The following SUCLG2 variants were observed in gnomAD, a reference collection of about 807,000 sequenced individuals.
SUCLG2 encodes succinate-CoA ligase GDP-forming subunit beta.
Under a neutral mutation model 47.9 loss-of-function variants are expected in SUCLG2, and 42 were observed. That is an observed-to-expected ratio of 0.88 (90% CI 0.69 to 1.14). The LOEUF (loss-of-function observed/expected upper bound fraction) is 1.14. SUCLG2 is among the 50% of genes most tolerant of loss of function. The pLI is 0.00. For synonymous variants in SUCLG2, 195 were observed against 197.3 expected (o/e 0.99, Z 0.10); for missense variants, 571 against 525.9 (o/e 1.09, Z -0.84).
At chr3:67,413,797 C>G (rs988144556) in intron 9 of SUCLG2, among the ~76,000 whole-genome samples, 9 of 152,162 alleles carry the variant, frequency 5.9e-5, no homozygotes, top group African/African-American at 1.7e-4. Context: ...TATGCTAGAG[C>G]TTCCTTTTGT....
At position 67,609,467 on chromosome 3, in the gene SUCLG2, C is replaced by T; in HGVS notation, c.214G>A (p.Ala72Thr). ...ADTANEALEAAKRLNAKEIVL... is the reference protein window; with the variant it reads ...ADTANEALEATKRLNAKEIVL... Reference sequence around the variant, plus strand: ...TGAATCAGCTTACTTAGTCTCTTAGCAGCCTCGAGAGCTTCATTTGCAGTG... The same window carrying T: ...TGAATCAGCTTACTTAGTCTCTTAGTAGCCTCGAGAGCTTCATTTGCAGTG... The change falls in exon 2 of 11, where the codon GCT (alanine) becomes ACT (threonine). Residue 72 changes from alanine (A) to threonine (T), a missense_variant. By Grantham distance (58) the Ala-to-Thr change is moderately conservative (BLOSUM62 0). Transcript: ENST00000307227. 1 of 1,612,076 alleles carries T rather than the reference C, an allele frequency of 6.2e-7. No individual in the cohort carries two copies. The highest frequency in any genetic ancestry group is 8.5e-7 in the Non-Finnish European group (1 of 1,179,626).
intron 2 of SUCLG2, among the ~76,000 whole-genome samples, chr3:67,602,273 A>T (rs1286747657): frequency 6.6e-6 from 1 of 152,210 alleles, no homozygotes. Flanking sequence ...GTAAAAGTGT[A>T]AGAAGAATTA....
At chr3:67,486,106 C>A (rs1251741241) in intron 9 of SUCLG2, among the ~76,000 whole-genome samples, 2 of 151,936 alleles carry the variant, frequency 1.3e-5, no homozygotes, top group African/African-American at 4.8e-5. Flanking sequence ...CTCTACAAAA[C>A]AAAATTCAAT....
chr3:67,422,651 GA>G lies in SUCLG2; in HGVS notation c.1063-21801del, dbSNP rs757390133. ...GTGGTGAACTTGATGTTGAGAATGA[GA>G]AAGAGATTTCAAAGGCATAGCTCAA... On this transcript the variant is annotated intron_variant, in intron 9 of 10. Transcript: ENST00000307227. Among the ~76,000 whole-genome samples, 8 of 151,970 alleles carry G rather than the reference GA, an allele frequency of 5.3e-5. 1 individual carries two copies. In the East Asian group the frequency reaches 1.5e-3, roughly 29 times the overall value.
chr3:67,561,212 A>G (rs1707299119), intron 2 of SUCLG2, among the ~76,000 whole-genome samples: 1 of 151,790 alleles, frequency 6.6e-6, no homozygotes, highest in African/African-American at 2.4e-5. Context: ...TACAAACTGC[A>G]CTGGTCAGAA....
chr3:67,598,772 A>G (rs1045344804), intron 2 of SUCLG2, among the ~76,000 whole-genome samples: 1 of 152,198 alleles, frequency 6.6e-6, no homozygotes, highest in Non-Finnish European at 1.5e-5. Flanking sequence ...TGAGCCAGAG[A>G]CTGTTAAGGC....
chr3:67,423,543 C>G (rs1434554006), intron 9 of SUCLG2, among the ~76,000 whole-genome samples: 1 of 152,122 alleles, frequency 6.6e-6, no homozygotes, highest in African/African-American at 2.4e-5. Context: ...TTCATTTAGG[C>G]TCTTTCTGTG....
At chr3:67,367,997 A>G (rs1443569445) in intron 10 of SUCLG2, among the ~76,000 whole-genome samples, 1 of 152,204 alleles carries the variant, frequency 6.6e-6, no homozygotes, top group East Asian at 1.9e-4. Flanking sequence ...CCTCATTTTT[A>G]AAATGGCTAC....
At position 67,460,009 on chromosome 3, in the gene SUCLG2, A is replaced by G. The variant is rs72918987; in HGVS notation, c.1062+35789T>C. Among the ~76,000 whole-genome samples, 215 of 152,324 alleles carry G rather than the reference A, an allele frequency of 1.4e-3. 1 individual carries two copies. Among genetic ancestry groups the G allele is most frequent in the African/African-American group, 4.3e-3 (180 of 41,568 alleles). On this transcript the variant is annotated intron_variant, in intron 9 of 10. Coordinates refer to ENST00000307227, the MANE Select transcript of SUCLG2 (RefSeq NM_003848.4). ...GGTCCCACATTACACTTTTGTTTAC[A>G]TATCACTGGCCAGAAAGCAGTGACG... is the stretch of plus-strand genomic sequence containing the variant.
chr3:67,496,926 T>C (rs943749388), intron 8 of SUCLG2, among the ~76,000 whole-genome samples: 4 of 152,190 alleles, frequency 2.6e-5, no homozygotes, highest in East Asian at 1.9e-4. Flanking sequence ...AAAATAAAAA[T>C]GGTTTACACA....
At chr3:67,590,269 G>A (rs576700413) in intron 2 of SUCLG2, among the ~76,000 whole-genome samples, 23 of 152,284 alleles carry the variant, frequency 1.5e-4, no homozygotes, top group Non-Finnish European at 2.8e-4. Context: ...ACCTCCCTGT[G>A]TATTCCAGCA....
intron 9 of SUCLG2, among the ~76,000 whole-genome samples, chr3:67,449,831 C>T (rs1323736750): frequency 1.3e-5 from 2 of 152,084 alleles, no homozygotes; most frequent in East Asian, 1.9e-4. Flanking sequence ...CCAGGCTGAT[C>T]TTGAACTCCT....
At chr3:67,368,298 T>C (rs1701901975) in intron 10 of SUCLG2, among the ~76,000 whole-genome samples, 1 of 152,232 alleles carries the variant, frequency 6.6e-6, no homozygotes, top group African/African-American at 2.4e-5. Flanking sequence ...AAAACCTTTG[T>C]CTTTAAAGTA....
chr3:67,596,644 A>G (rs147542723), intron 2 of SUCLG2, among the ~76,000 whole-genome samples: 1 of 152,206 alleles, frequency 6.6e-6, no homozygotes, highest in East Asian at 1.9e-4. Context: ...AGCACCAACT[A>G]TTTGTAGTCA....
intron 2 of SUCLG2, among the ~76,000 whole-genome samples, chr3:67,591,296 G>C (rs1708158122): frequency 6.6e-6 from 1 of 152,080 alleles, no homozygotes; most frequent in Non-Finnish European, 1.5e-5. Flanking sequence ...GGTGGGTTAG[G>C]GTATAGCAGT....
chr3:67,629,807 C>T (rs1372559841), intron 1 of SUCLG2, among the ~76,000 whole-genome samples: 2 of 152,094 alleles, frequency 1.3e-5, no homozygotes, highest in Admixed American at 6.5e-5. Context: ...AACAAAAGAA[C>T]ATTTTATAAG....
intron 9 of SUCLG2, among the ~76,000 whole-genome samples, chr3:67,493,012 T>C (rs1705240905): frequency 6.6e-6 from 1 of 152,192 alleles, no homozygotes; most frequent in African/African-American, 2.4e-5. Context: ...CAAAAACTGG[T>C]GTTCTGTAAT....
intron 7 of SUCLG2, among the ~76,000 whole-genome samples, chr3:67,507,854 G>T (rs1449763098): frequency 1.3e-5 from 2 of 152,154 alleles, no homozygotes; most frequent in Non-Finnish European, 2.9e-5. Context: ...AAAAGAAAAG[G>T]TTCATGGTGC....
intron 2 of SUCLG2, among the ~76,000 whole-genome samples, chr3:67,606,343 CAA>C (rs1263061508): frequency 6.6e-6 from 1 of 152,164 alleles, no homozygotes; most frequent in Non-Finnish European, 1.5e-5. Flanking sequence ...AGGAATATCT[CAA>C]AGAGATTAGG....
Sources: allele counts gnomAD v4.1 joint callset (sites outside exome capture counted in the v4.1 genomes callset), GRCh38; gene constraint gnomAD v4.1.1; transcripts MANE v1.5; gene names NCBI Gene and HGNC (gene_info 2026-07-23, HGNC 2026-07-21).